The following PARD3 variants were observed in gnomAD, a reference collection of about 807,000 sequenced individuals.
The protein encoded by PARD3 is par-3 family cell polarity regulator.
PARD3 carries 75 observed loss-of-function variants against 155.4 expected under a neutral mutation model. That is an observed-to-expected ratio of 0.48 (90% confidence interval 0.40 to 0.58). The LOEUF (loss-of-function observed/expected upper bound fraction) is 0.58, where lower values mean the gene tolerates loss of function less well. PARD3 is among the 20% of genes least tolerant of loss of function. The pLI, the probability that PARD3 is intolerant of heterozygous loss-of-function variation, is 0.00. For missense variants in PARD3, 1,642 were observed against 1,721.7 expected, an observed-to-expected ratio of 0.95 and a Z score of 0.82; for synonymous variants, 576 against 610.5, an observed-to-expected ratio of 0.94 and a Z score of 0.83.
At chr10:34,177,086 T>G (rs1005907272) in intron 22 of PARD3, among the ~76,000 whole-genome samples, 1 of 151,974 alleles carries the variant, frequency 6.6e-6, no homozygotes, top group Non-Finnish European at 1.5e-5. Context: ...ACCCTCTCAT[T>G]GAAGGAACCT....
At chr10:34,567,673 A>C (rs1449867627) in intron 2 of PARD3, among the ~76,000 whole-genome samples, 1 of 152,224 alleles carries the variant, frequency 6.6e-6, no homozygotes, top group Non-Finnish European at 1.5e-5. Context: ...TGACAATTTA[A>C]TCTAATTTAA....
At chr10:34,687,846 CT>C (rs397846339) in intron 2 of PARD3, among the ~76,000 whole-genome samples, 4,083 of 63,248 alleles carry the variant, frequency 0.065, 34 homozygotes, top group African/African-American at 0.1. Context: ...CACCTGAAAT[CT>C]TTTTTTTTTT....
chr10:34,535,845 A>G (rs917166460), intron 2 of PARD3, among the ~76,000 whole-genome samples: 1 of 152,218 alleles, frequency 6.6e-6, no homozygotes, highest in African/African-American at 2.4e-5. Context: ...GGCTTTAAAA[A>G]GCCAAATCTG....
intron 2 of PARD3, among the ~76,000 whole-genome samples, chr10:34,526,001 G>A (rs539451093): frequency 1.4e-5 from 2 of 143,618 alleles, no homozygotes; most frequent in Non-Finnish European, 1.5e-5. Context: ...GGAATCGCTT[G>A]AACGTGGGAG....
chr10:34,345,136 A>T (rs1837272280), intron 15 of PARD3: 2 of 985,142 alleles, frequency 2.0e-6, no homozygotes, highest in African/African-American at 1.7e-5. Context: ...TTTTAGAAAA[A>T]GGAAATAGCC....
intron 22 of PARD3, among the ~76,000 whole-genome samples, chr10:34,145,189 G>A (rs12768194): frequency 0.16 from 8,051 of 49,756 alleles, 821 homozygotes; most frequent in Non-Finnish European, 0.2. Context: ...GTGTGTGTGT[G>A]TATATATATA....
In PARD3 at chr10:34,814,922, C is replaced by G; in HGVS notation, c.74G>C (p.Ser25Thr). 1 of 1,565,418 alleles carries G rather than the reference C, an allele frequency of 6.4e-7. No homozygotes were observed. The highest frequency in any genetic ancestry group is 8.6e-7 in the Non-Finnish European group (1 of 1,157,752). Residue 25 changes from serine (S) to threonine (T), a missense_variant, in exon 1 of 25, where the codon AGC (serine) becomes ACC (threonine). Transcript: ENST00000374788. The stretch of plus-strand genomic sequence containing the variant: ...GCGGGTCACCGCCTGCTGGATGAGG[C>G]TGAAAACTTTCATGTGGCCGTCCCC... The part of the protein sequence containing the change: ...PCGDGHMKVF[S>T]LIQQAVTRYR...
chr10:34,460,826 C>G (rs762680057), intron 4 of PARD3, among the ~76,000 whole-genome samples: 30 of 151,466 alleles, frequency 2.0e-4, no homozygotes, highest in African/African-American at 7.3e-4. Flanking sequence ...CAGCCAGACT[C>G]GTCTCAAAAA....
At chr10:34,657,730 G>A (rs892809085) in intron 2 of PARD3, among the ~76,000 whole-genome samples, 1 of 151,972 alleles carries the variant, frequency 6.6e-6, no homozygotes, top group African/African-American at 2.4e-5. Flanking sequence ...GTAGAGACGT[G>A]GTTTCGCCAT....
intron 1 of PARD3, among the ~76,000 whole-genome samples, chr10:34,712,852 C>T (rs1381779940): frequency 6.6e-6 from 1 of 151,738 alleles, no homozygotes. Flanking sequence ...TCAATCGTAC[C>T]CCAAACCTCA....
intron 7 of PARD3, among the ~76,000 whole-genome samples, chr10:34,398,297 T>C (rs905615801): frequency 1.3e-5 from 2 of 152,100 alleles, no homozygotes; most frequent in Admixed American, 1.3e-4. Flanking sequence ...AAAAATAAAA[T>C]GCATAGTTTA....
At chr10:34,146,518 T>C (rs568057680) in intron 22 of PARD3, among the ~76,000 whole-genome samples, 70 of 152,334 alleles carry the variant, frequency 4.6e-4, no homozygotes, top group African/African-American at 1.6e-3. Flanking sequence ...AACCGAGTCC[T>C]CCACACTTTT....
chr10:34,791,836 C>T (rs940541798), intron 1 of PARD3, among the ~76,000 whole-genome samples: 1 of 150,768 alleles, frequency 6.6e-6, no homozygotes, highest in Non-Finnish European at 1.5e-5. Context: ...TCAGACCCTG[C>T]CTCGTTTAAA....
chr10:34,671,037 C>A (rs1482443165), intron 2 of PARD3, among the ~76,000 whole-genome samples: 3 of 152,188 alleles, frequency 2.0e-5, no homozygotes, highest in Non-Finnish European at 4.4e-5. Flanking sequence ...TAGCATCTGG[C>A]TAGAGAGATG....
intron 1 of PARD3, among the ~76,000 whole-genome samples, chr10:34,725,931 C>G (rs985225666): frequency 6.6e-6 from 1 of 152,150 alleles, no homozygotes; most frequent in African/African-American, 2.4e-5. Context: ...TTTAATCCCA[C>G]GTTCTCAGTC....
intron 3 of PARD3, among the ~76,000 whole-genome samples, chr10:34,472,123 G>A (rs904340571): frequency 3.9e-5 from 6 of 152,076 alleles, no homozygotes; most frequent in African/African-American, 1.4e-4. Flanking sequence ...TACATCATGA[G>A]GATTCAATAA....
chr10:34,698,215 A>C (rs2094209439), intron 1 of PARD3, among the ~76,000 whole-genome samples: 1 of 152,212 alleles, frequency 6.6e-6, no homozygotes, highest in African/African-American at 2.4e-5. Context: ...CACTCCCTCC[A>C]GATGAGATCA....
chr10:34,116,815 C>T (rs1358767638), intron 24 of PARD3, among the ~76,000 whole-genome samples: 1 of 152,162 alleles, frequency 6.6e-6, no homozygotes, highest in African/African-American at 2.4e-5. Context: ...TTATTTAGGG[C>T]ACCACTAAAT....
rs1175565220 is a variant in PARD3 at position 34,235,373 on chromosome 10, C to T, written c.3419+34284G>A. Among the ~76,000 whole-genome samples the T allele has an allele frequency of 2.0e-5, 3 of 152,288 alleles. No individual in the cohort carries two copies. In the East Asian group the frequency reaches 5.8e-4, roughly 29 times the overall value. ...ACAATGACTTGGGTGAGAATCAGCTCATAGGTTGGTAAGATTCTAGGCATG... is the reference window on the plus strand; with the variant it reads ...ACAATGACTTGGGTGAGAATCAGCTTATAGGTTGGTAAGATTCTAGGCATG... On this transcript the variant is annotated intron_variant, in intron 22 of 24. Transcript: ENST00000374788.
Sources: allele counts gnomAD v4.1 joint callset (sites outside exome capture counted in the v4.1 genomes callset), GRCh38; gene constraint gnomAD v4.1.1; transcripts MANE v1.5; gene names NCBI Gene and HGNC (gene_info 2026-07-23, HGNC 2026-07-21).